The following FHIT variants were observed in gnomAD, a reference collection of about 807,000 sequenced individuals.
The protein encoded by FHIT is fragile histidine triad diadenosine triphosphatase, also known as bis(5'-adenosyl)-triphosphatase.
A neutral mutation model predicts 17.9 loss-of-function variants in FHIT; 19 were observed. That is an observed-to-expected ratio of 1.06 (90% CI 0.74 to 1.56). The LOEUF (loss-of-function observed/expected upper bound fraction) is 1.56, where lower values mean the gene tolerates loss of function less well. FHIT is among the 40% of genes most tolerant of loss of function. The probability of loss-of-function intolerance (pLI) is 0.00; values close to 1 mark genes in which losing one functional copy is unlikely to be tolerated. For missense variants in FHIT, 248 were observed against 189.2 expected (o/e 1.31, Z -1.82); for synonymous variants, 81 against 69.7 (o/e 1.16, Z -0.81).
At chr3:60,750,488 T>C (rs965668438) in intron 4 of FHIT, among the ~76,000 whole-genome samples, 6 of 152,122 alleles carry the variant, frequency 3.9e-5, no homozygotes, top group African/African-American at 1.2e-4. Flanking sequence ...TCCTGCACTG[T>C]TCACATGATC....
At chr3:61,148,637 C>G (rs1344334834) in intron 2 of FHIT, among the ~76,000 whole-genome samples, 2 of 152,028 alleles carry the variant, frequency 1.3e-5, no homozygotes, top group Non-Finnish European at 2.9e-5. Flanking sequence ...AAGTGCTTGG[C>G]TATTATAAAT....
chr3:60,531,254 A>AG (rs1293162965), intron 5 of FHIT, among the ~76,000 whole-genome samples: 1 of 150,918 alleles, frequency 6.6e-6, no homozygotes, highest in Admixed American at 6.6e-5. Flanking sequence ...TTACTTGTAC[A>AG]GGAAGGTTTG....
chr3:59,969,452 C>A lies in FHIT; in HGVS notation c.279+41919G>T, dbSNP rs951897088. ...AGTAGAAAGGTAAATGCTAATGTTT[C>A]ATTAATCCTAACGCTTGAATTTCAC... On this transcript the variant is annotated intron_variant, in intron 7 of 9. Transcript: ENST00000492590. Among the ~76,000 whole-genome samples the A allele has an allele frequency of 1.1e-4, 16 of 152,202 alleles. No individual in the cohort carries two copies. The East Asian group carries it at 1.4e-3, about 13-fold the overall frequency.
At chr3:61,125,437 C>G (rs1365371668) in intron 2 of FHIT, among the ~76,000 whole-genome samples, 1 of 152,086 alleles carries the variant, frequency 6.6e-6, no homozygotes, top group African/African-American at 2.4e-5. Flanking sequence ...GTTTTTAACT[C>G]AATTTTTCTT....
chr3:60,284,006 G>A (rs1278756400), intron 5 of FHIT, among the ~76,000 whole-genome samples: 2 of 151,942 alleles, frequency 1.3e-5, no homozygotes, highest in African/African-American at 4.8e-5. Flanking sequence ...ATTAAGTTGA[G>A]ATAGACAGCT....
chr3:60,494,232 C>G (rs1228028814), intron 5 of FHIT, among the ~76,000 whole-genome samples: 2 of 152,200 alleles, frequency 1.3e-5, no homozygotes, highest in East Asian at 3.9e-4. Context: ...ACTCCTAACC[C>G]CTGGTACCAC....
At chr3:60,835,353 T>C (rs1702499720) in intron 3 of FHIT, among the ~76,000 whole-genome samples, 1 of 152,206 alleles carries the variant, frequency 6.6e-6, no homozygotes, top group African/African-American at 2.4e-5. Context: ...TTTCAAATCA[T>C]GAACACAACA....
intron 8 of FHIT, among the ~76,000 whole-genome samples, chr3:59,781,638 A>C (rs1702588300): frequency 6.6e-6 from 1 of 152,226 alleles, no homozygotes; most frequent in African/African-American, 2.4e-5. Flanking sequence ...AGATGGCAAA[A>C]GTTATGGATT....
chr3:60,634,554 A>G (rs1203802591), intron 4 of FHIT, among the ~76,000 whole-genome samples: 2 of 152,158 alleles, frequency 1.3e-5, no homozygotes, highest in African/African-American at 4.8e-5. Flanking sequence ...AGAAATCGCA[A>G]TCAATAGACG....
At chr3:60,612,873 G>C (rs575064903) in intron 4 of FHIT, among the ~76,000 whole-genome samples, 1 of 152,228 alleles carries the variant, frequency 6.6e-6, no homozygotes, top group South Asian at 2.1e-4. Context: ...CCTTCAAATG[G>C]CTCTCAATGC....
At chr3:60,087,449 G>A (rs576920932) in intron 5 of FHIT, among the ~76,000 whole-genome samples, 6 of 152,236 alleles carry the variant, frequency 3.9e-5, no homozygotes, top group South Asian at 2.1e-4. Context: ...AAATGGCCAG[G>A]CTGCAAATTT....
At chr3:59,803,888 G>T (rs534185) in intron 8 of FHIT, among the ~76,000 whole-genome samples, 121,690 of 151,992 alleles carry the variant, frequency 0.8, 49,429 homozygotes, top group Middle Eastern at 0.93. Flanking sequence ...GCATGTAGAT[G>T]CTCGGTAGCA....
intron 1 of FHIT, among the ~76,000 whole-genome samples, chr3:61,202,475 T>A (rs2039055643): frequency 1.3e-5 from 2 of 150,904 alleles, no homozygotes; most frequent in Non-Finnish European, 2.9e-5. Context: ...CTTCCCCAAG[T>A]TTGCATTTTT....
chr3:60,043,499 A>G (rs559336751), intron 5 of FHIT, among the ~76,000 whole-genome samples: 2 of 152,328 alleles, frequency 1.3e-5, no homozygotes, highest in African/African-American at 4.8e-5. Flanking sequence ...ATGTCTTGCT[A>G]AAGCTACCAG....
intron 5 of FHIT, among the ~76,000 whole-genome samples, chr3:60,431,630 C>T (rs2107297310): frequency 6.6e-6 from 1 of 152,054 alleles, no homozygotes; most frequent in South Asian, 2.1e-4. Flanking sequence ...CTATCTTGTC[C>T]TCGGCTACAC....
intron 3 of FHIT, among the ~76,000 whole-genome samples, chr3:61,027,227 C>T (rs2032780938): frequency 6.6e-6 from 1 of 152,066 alleles, no homozygotes; most frequent in Non-Finnish European, 1.5e-5. Flanking sequence ...GCTGGGATTA[C>T]AGGCGCCTGC....
chr3:60,972,245 C>A (rs1025773029), intron 3 of FHIT, among the ~76,000 whole-genome samples: 1 of 152,112 alleles, frequency 6.6e-6, no homozygotes, highest in Admixed American at 6.5e-5. Context: ...GACTGAGGAG[C>A]TCCTTTTAAT....
intron 3 of FHIT, among the ~76,000 whole-genome samples, chr3:61,016,301 T>TAA (rs2032103193): frequency 6.6e-6 from 1 of 152,152 alleles, no homozygotes; most frequent in Admixed American, 6.5e-5. Flanking sequence ...ACATAGATTT[T>TAA]AAAAAGTAAT....
chr3:59,761,056 G>T (rs1319825219), intron 8 of FHIT, among the ~76,000 whole-genome samples: 2 of 152,052 alleles, frequency 1.3e-5, no homozygotes, highest in African/African-American at 4.8e-5. Context: ...GCTACTAAGG[G>T]GTTGATATTC....
Sources: allele counts gnomAD v4.1 joint callset (sites outside exome capture counted in the v4.1 genomes callset), GRCh38; gene constraint gnomAD v4.1.1; transcripts MANE v1.5; gene names NCBI Gene and HGNC (gene_info 2026-07-23, HGNC 2026-07-21).